The following ADAMTSL1 variants were observed in gnomAD, a reference collection of about 807,000 sequenced individuals.
ADAMTSL1 encodes the protein ADAMTS-like protein 1.
A neutral mutation model predicts 201.8 loss-of-function variants in ADAMTSL1; 126 were observed. The ratio of observed to expected loss-of-function variants is 0.62; its 90% CI spans 0.54 to 0.72. ADAMTSL1 has a LOEUF of 0.72. ADAMTSL1 is among the 30% of genes least tolerant of loss of function. The pLI is 0.00. For synonymous variants in ADAMTSL1, 1,121 were observed against 903.4 expected, an observed-to-expected ratio of 1.24 and a Z score of -4.32; for missense variants, 2,679 against 2,277.8, an observed-to-expected ratio of 1.18 and a Z score of -3.59.
At chr9:18,539,948 G>C (rs866726356) in intron 3 of ADAMTSL1, among the ~76,000 whole-genome samples, 1 of 152,110 alleles carries the variant, frequency 6.6e-6, no homozygotes, top group African/African-American at 2.4e-5. Flanking sequence ...AGACATTAAT[G>C]GTGCTGTAAA....
chr9:18,719,754 A>C (rs1045097537), intron 14 of ADAMTSL1, among the ~76,000 whole-genome samples: 1 of 152,180 alleles, frequency 6.6e-6, no homozygotes, highest in Non-Finnish European at 1.5e-5. Flanking sequence ...TTTTTAAATG[A>C]TGGCCTTCCT....
At chr9:18,746,921 C>T (rs1819180930) in intron 15 of ADAMTSL1, among the ~76,000 whole-genome samples, 1 of 152,150 alleles carries the variant, frequency 6.6e-6, no homozygotes, top group African/African-American at 2.4e-5. Flanking sequence ...GAAGACCACA[C>T]TCTGCCTTTG....
chr9:18,291,539 C>T (rs191209710), intron 2 of ADAMTSL1, among the ~76,000 whole-genome samples: 122 of 152,230 alleles, frequency 8.0e-4, no homozygotes, highest in Non-Finnish European at 8.4e-4. Context: ...GTGATTGAAC[C>T]ATTTCGTGCA....
At chr9:18,840,429 G>T (rs1406231558) in intron 23 of ADAMTSL1, among the ~76,000 whole-genome samples, 5 of 152,114 alleles carry the variant, frequency 3.3e-5, no homozygotes, top group African/African-American at 1.2e-4. Context: ...TGGTGTTTTG[G>T]TTACTGTAGC....
chr9:18,662,371 A>T (rs1829155612), intron 9 of ADAMTSL1, among the ~76,000 whole-genome samples: 1 of 152,104 alleles, frequency 6.6e-6, no homozygotes, highest in African/African-American at 2.4e-5. Flanking sequence ...TTCTTTCCTT[A>T]ACAAGGTCCA....
chr9:18,370,689 G>GTAT (rs1563918306), intron 2 of ADAMTSL1, among the ~76,000 whole-genome samples: 1 of 140,050 alleles, frequency 7.1e-6, no homozygotes, highest in Non-Finnish European at 1.5e-5. Flanking sequence ...TTTGTAGAGC[G>GTAT]TCTTTTTTTT....
chr9:18,332,939 T>G (rs991486719), intron 2 of ADAMTSL1, among the ~76,000 whole-genome samples: 1 of 152,164 alleles, frequency 6.6e-6, no homozygotes, highest in African/African-American at 2.4e-5. Context: ...TTTCATCATC[T>G]GTAAGCGTAT....
intron 1 of ADAMTSL1, among the ~76,000 whole-genome samples, chr9:17,958,161 C>T (rs1160709080): frequency 6.6e-6 from 1 of 152,156 alleles, no homozygotes; most frequent in Non-Finnish European, 1.5e-5. Flanking sequence ...TCCATTCAAA[C>T]CCTACTATTT....
intron 1 of ADAMTSL1, among the ~76,000 whole-genome samples, chr9:18,036,448 C>G (rs1202868119): frequency 6.6e-6 from 1 of 152,156 alleles, no homozygotes; most frequent in African/African-American, 2.4e-5. Context: ...GAAATATGCA[C>G]TTGGTCAAAG....
At chr9:18,119,090 A>G (rs1488852881) in intron 1 of ADAMTSL1, among the ~76,000 whole-genome samples, 1 of 152,184 alleles carries the variant, frequency 6.6e-6, no homozygotes, top group African/African-American at 2.4e-5. Context: ...TATGGGAATA[A>G]TCATTGTATC....
At chr9:18,267,761 T>TCA (rs1216126797) in intron 2 of ADAMTSL1, among the ~76,000 whole-genome samples, 1 of 62,500 alleles carries the variant, frequency 1.6e-5, no homozygotes, top group Non-Finnish European at 3.0e-5. Flanking sequence ...TCAAAGGCTA[T>TCA]TAAAAAAAAA....
chr9:18,140,550 C>G (rs1340208052), intron 1 of ADAMTSL1, among the ~76,000 whole-genome samples: 1 of 152,166 alleles, frequency 6.6e-6, no homozygotes, highest in African/African-American at 2.4e-5. Context: ...AAGATTTTTA[C>G]TGGGGGCTAG....
chr9:18,399,953 A>C (rs7869400), intron 2 of ADAMTSL1, among the ~76,000 whole-genome samples: 30,396 of 152,064 alleles, frequency 0.2, 3,231 homozygotes, highest in South Asian at 0.26. Flanking sequence ...CAACAACAAC[A>C]ACAAAACTAG....
chr9:18,144,233 G>A (rs948684939), intron 1 of ADAMTSL1, among the ~76,000 whole-genome samples: 1 of 151,718 alleles, frequency 6.6e-6, no homozygotes, highest in Admixed American at 6.6e-5. Flanking sequence ...TTTTGAGACC[G>A]AGTGTCCCTC....
At chr9:18,149,622 C>T (rs939684932) in intron 1 of ADAMTSL1, among the ~76,000 whole-genome samples, 8 of 152,006 alleles carry the variant, frequency 5.3e-5, no homozygotes, top group Non-Finnish European at 1.5e-5. Context: ...TCCCCATTGA[C>T]ATATGTACAT....
At chr9:18,307,580 G>T (rs572035951) in intron 2 of ADAMTSL1, among the ~76,000 whole-genome samples, 1 of 152,114 alleles carries the variant, frequency 6.6e-6, no homozygotes, top group East Asian at 1.9e-4. Flanking sequence ...AACCAAAAAA[G>T]ATCAAAAAAG....
At chr9:18,452,417 G>A (rs566799296) in intron 2 of ADAMTSL1, among the ~76,000 whole-genome samples, 6 of 152,184 alleles carry the variant, frequency 3.9e-5, no homozygotes, top group African/African-American at 7.2e-5. Flanking sequence ...ACTAATCCCC[G>A]AAGTCACATC....
At position 18,173,949 on chromosome 9, in the gene ADAMTSL1, G is replaced by A. The variant is rs2132137404; in HGVS notation, c.207+9968G>A. Among the ~76,000 whole-genome samples, 2 of 152,176 alleles carry A rather than the reference G, an allele frequency of 1.3e-5. 1 individual carries two copies. The highest frequency in any genetic ancestry group is 4.8e-5 in the African/African-American group (2 of 41,532). On this transcript the variant is annotated intron_variant, in intron 2 of 29. Coordinates refer to the ADAMTSL1 transcript ENST00000680146. Reference sequence around the variant, plus strand: ...TTCAGGTTAGTATTCAAATTCCTGAGTTAGTCACCACTTAGAGTTAATGTT... The same window carrying A: ...TTCAGGTTAGTATTCAAATTCCTGAATTAGTCACCACTTAGAGTTAATGTT...
chr9:18,169,000 A>G (rs1389822763), intron 2 of ADAMTSL1, among the ~76,000 whole-genome samples: 1 of 147,944 alleles, frequency 6.8e-6, no homozygotes. Context: ...AATTTGTTTG[A>G]GTTCATTGTA....
Sources: gnomAD v4.1 joint callset for allele counts (sites outside exome capture counted in the v4.1 genomes callset) on GRCh38, gnomAD v4.1.1 for gene constraint, MANE v1.5 for transcripts, NCBI Gene and HGNC (gene_info 2026-07-23, HGNC 2026-07-21) for gene names.